The following RAMP3 variants were observed in gnomAD, a reference collection of about 807,000 sequenced individuals.
RAMP3 encodes receptor activity modifying protein 3, also known as receptor activity-modifying protein 3.
RAMP3 carries 14 observed loss-of-function variants against 13.5 expected under a neutral mutation model. That is an observed-to-expected ratio of 1.04 (90% CI 0.69 to 1.63). The LOEUF is 1.63. Among genes scored for constraint, RAMP3 ranks in the 40% most tolerant of loss-of-function variants. The pLI, the probability that RAMP3 is intolerant of heterozygous loss-of-function variation, is 0.00. For synonymous variants in RAMP3, 106 were observed against 88.3 expected (o/e 1.20, Z -1.12); for missense variants, 200 against 204.8 (o/e 0.98, Z 0.14).
At chr7:45,172,822 G>A (rs1273309464) in intron 1 of RAMP3, among the ~76,000 whole-genome samples, 1 of 152,124 alleles carries the variant, frequency 6.6e-6, no homozygotes, top group Non-Finnish European at 1.5e-5. Context: ...TTGCTCCTGC[G>A]GGGGCCTGTC....
chr7:45,164,368 C>T (rs949463729), intron 1 of RAMP3, among the ~76,000 whole-genome samples: 14 of 139,630 alleles, frequency 1.0e-4, no homozygotes, highest in Admixed American at 4.7e-4. Flanking sequence ...CTTGTCTCTA[C>T]AAATAACAAA....
chr7:45,162,915 G>T (rs1426054755), intron 1 of RAMP3, among the ~76,000 whole-genome samples: 1 of 152,154 alleles, frequency 6.6e-6, no homozygotes, highest in Admixed American at 6.5e-5. Context: ...CTTGGAGTGT[G>T]GTCCTCGGAC....
intron 1 of RAMP3, among the ~76,000 whole-genome samples, chr7:45,167,187 G>C (rs1409240425): frequency 6.6e-6 from 1 of 152,110 alleles, no homozygotes; most frequent in East Asian, 1.9e-4. Context: ...TCGATCTCCT[G>C]ACCTCGTGAT....
intron 2 of RAMP3, 109 bp downstream of exon 2, chr7:45,177,550 C>A: frequency 6.6e-7 from 1 of 1,514,428 alleles, no homozygotes; most frequent in Non-Finnish European, 9.0e-7. Context: ...CTCACCCATG[C>A]CTCACCCACA....
intron 1 of RAMP3, among the ~76,000 whole-genome samples, chr7:45,167,584 A>G (rs1199493205): frequency 7.0e-6 from 1 of 142,478 alleles, no homozygotes. Flanking sequence ...TATTTTTGAG[A>G]CGGAGTTTCA....
intron 1 of RAMP3, among the ~76,000 whole-genome samples, chr7:45,158,418 C>T (rs967231129): frequency 6.6e-6 from 1 of 152,180 alleles, no homozygotes; most frequent in African/African-American, 2.4e-5. Context: ...AGAGGGGAAG[C>T]GGGGCGACTC....
chr7:45,183,701 G>A lies in RAMP3; in HGVS notation c.*289G>A. ...GCACAGAAATCACCTGCTGCATCCT[G>A]TGCTCCGCAGGCTGGGCCGGAGCCT... is the stretch of plus-strand genomic sequence containing the variant. On this transcript the variant is annotated 3_prime_UTR_variant, in exon 3 of 3. Coordinates refer to ENST00000242249, the MANE Select transcript of RAMP3 (RefSeq NM_005856.3). 1 of 582,506 alleles carries A rather than the reference G, an allele frequency of 1.7e-6. No individual in the cohort carries two copies. The highest frequency in any genetic ancestry group is 2.8e-5 in the East Asian group (1 of 35,284). The allele number at this position is 582,506 out of a possible 1,614,324, so 36.1% of individuals were successfully genotyped here. A position where few individuals can be genotyped will look rare whatever the true frequency, so the allele number is the denominator to read the frequency against.
Position 45,183,431 on chromosome 7 carries a change from G to C in RAMP3, c.*19G>C, listed in dbSNP as rs759355075. 1 of 1,608,388 alleles carries C rather than the reference G, an allele frequency of 6.2e-7. No homozygotes were observed. The highest frequency in any genetic ancestry group is 8.5e-7 in the Non-Finnish European group (1 of 1,179,176). On this transcript the variant is annotated 3_prime_UTR_variant, in exon 3 of 3. Coordinates refer to ENST00000242249, the MANE Select transcript of RAMP3 (RefSeq NM_005856.3). ...GCTGTGAGGGTCCCGGTGAGATGGA[G>C]TGGGTCACACCTGGCAAGCTGGAAG...
At chr7:45,176,255 T>C (rs974522592) in intron 1 of RAMP3, among the ~76,000 whole-genome samples, 2 of 152,124 alleles carry the variant, frequency 1.3e-5, no homozygotes, top group African/African-American at 4.8e-5. Flanking sequence ...AACCATTTTC[T>C]TATCTGCTTC....
chr7:45,181,307 C>T (rs2128658887), intron 2 of RAMP3, among the ~76,000 whole-genome samples: 1 of 152,346 alleles, frequency 6.6e-6, no homozygotes, highest in South Asian at 2.1e-4. Flanking sequence ...GCTCCGTGGG[C>T]TTCTCCATGT....
chr7:45,166,456 A>G (rs1260807017), intron 1 of RAMP3, among the ~76,000 whole-genome samples: 1 of 152,148 alleles, frequency 6.6e-6, no homozygotes, highest in Non-Finnish European at 1.5e-5. Context: ...ATTTATATAT[A>G]TTTTTGTAGA....
intron 1 of RAMP3, among the ~76,000 whole-genome samples, chr7:45,167,372 C>T (rs1785984980): frequency 6.6e-6 from 1 of 152,116 alleles, no homozygotes; most frequent in Non-Finnish European, 1.5e-5. Flanking sequence ...TATTCTTTCT[C>T]TGGTGAATTG....
chr7:45,183,284 G>A lies in RAMP3; in HGVS notation c.319G>A (p.Asp107Asn). 2 of 1,614,080 alleles carry A rather than the reference G, an allele frequency of 1.2e-6. No homozygotes were observed. Among genetic ancestry groups the A allele is most frequent in the Non-Finnish European group, 1.7e-6 (2 of 1,180,044 alleles). Residue 107 changes from aspartate to asparagine, a missense_variant, in exon 3 of 3, where the codon GAC becomes AAC. By Grantham distance (23) the Asp-to-Asn change is conservative. Coordinates refer to ENST00000242249, the MANE Select transcript of RAMP3 (RefSeq NM_005856.3). ...GCAGTTCTTCTCCAACTGCACCGTG[G>A]ACAGGGTCCACTTGGAGGACCCCCC... is the stretch of plus-strand genomic sequence containing the variant. Reference protein sequence around the residue: ...HRQFFSNCTVDRVHLEDPPDE... With the variant: ...HRQFFSNCTVNRVHLEDPPDE...
At chr7:45,169,441 C>T (rs548434298) in intron 1 of RAMP3, among the ~76,000 whole-genome samples, 3 of 152,208 alleles carry the variant, frequency 2.0e-5, no homozygotes, top group Non-Finnish European at 4.4e-5. Context: ...AGAATTCAGT[C>T]TCTTTATTTA....
intron 1 of RAMP3, chr7:45,163,638 G>C: frequency 1.0e-6 from 1 of 985,448 alleles, no homozygotes; most frequent in Non-Finnish European, 1.2e-6. Flanking sequence ...CAGAGATTTT[G>C]TAGGTGCACA....
In RAMP3 at chr7:45,183,302, G is replaced by A; in HGVS notation, c.337G>A (p.Asp113Asn). ...NCTVDRVHLE[D>N]PPDEVLIPLI... ...CACCGTGGACAGGGTCCACTTGGAG[G>A]ACCCCCCAGACGAGGTTCTCATCCC... is the stretch of plus-strand genomic sequence containing the variant. Residue 113 changes from aspartate to asparagine, a missense_variant, in exon 3 of 3, where the codon GAC (aspartate) becomes AAC (asparagine). Transcript: ENST00000242249. 1 of 1,614,096 alleles carries A rather than the reference G, an allele frequency of 6.2e-7. No homozygotes were observed. Among genetic ancestry groups the A allele is most frequent in the South Asian group, 1.1e-5 (1 of 91,086 alleles).
intron 1 of RAMP3, chr7:45,163,803 G>A: frequency 1.0e-6 from 1 of 985,378 alleles, no homozygotes; most frequent in Non-Finnish European, 1.2e-6. Context: ...CGTGCCAGTG[G>A]GGCATCTGGA....
intron 2 of RAMP3, among the ~76,000 whole-genome samples, chr7:45,181,193 C>T (rs560634998): frequency 1.3e-5 from 2 of 152,348 alleles, no homozygotes; most frequent in South Asian, 4.1e-4. Flanking sequence ...GCCCATACCA[C>T]AAAGATGGTG....
intron 2 of RAMP3, among the ~76,000 whole-genome samples, chr7:45,178,888 G>A (rs1236023767): frequency 6.6e-6 from 1 of 152,224 alleles, no homozygotes; most frequent in East Asian, 1.9e-4. Context: ...GCCACTGACT[G>A]AGTGCCCTTG....
Sources: gnomAD v4.1 joint callset for allele counts (sites outside exome capture counted in the v4.1 genomes callset) on GRCh38, gnomAD v4.1.1 for gene constraint, MANE v1.5 for transcripts, NCBI Gene and HGNC (gene_info 2026-07-23, HGNC 2026-07-21) for gene names.